Variants in NDUFS1 observed in about 807,000 individuals in gnomAD.
NDUFS1 encodes NADH:ubiquinone oxidoreductase core subunit S1.
In NDUFS1, 61 loss-of-function variants were observed where a neutral mutation model predicts 84.4. The observed-to-expected ratio is 0.72, with a 90% CI of 0.59 to 0.89. The LOEUF (loss-of-function observed/expected upper bound fraction) is 0.89. Ranked by LOEUF, NDUFS1 falls within the 40% of genes least tolerant of loss-of-function variation. The pLI is 0.00. For synonymous variants in NDUFS1, 275 were observed against 290.0 expected, an observed-to-expected ratio of 0.95 and a Z score of 0.53; for missense variants, 891 against 890.0, an observed-to-expected ratio of 1.00 and a Z score of -0.01.
chr2:206,141,548 AAAAT>A (rs1480213270), intron 12 of NDUFS1, among the ~76,000 whole-genome samples: 4 of 141,800 alleles, frequency 2.8e-5, no homozygotes, highest in African/African-American at 1.2e-4. Context: ...AAAAAAATAA[AAAAT>A]AAAAATAAAA....
In NDUFS1 at chr2:206,122,745, T is replaced by C. The variant is rs1056615544; in HGVS notation, c.*1440A>G. Reference sequence around the variant, plus strand: ...AATAAATTGTGAACATAGTTTTGTTTGTTTGTTTGAAACAAAGTCTTGCTC... The same window carrying C: ...AATAAATTGTGAACATAGTTTTGTTCGTTTGTTTGAAACAAAGTCTTGCTC... On this transcript the variant is annotated 3_prime_UTR_variant, in exon 19 of 19. Coordinates refer to ENST00000233190, the MANE Select transcript of NDUFS1 (RefSeq NM_005006.7). 6.6e-6 allele frequency: 1 copy of C among 152,124 alleles called. No individual in the cohort carries two copies. The highest frequency in any genetic ancestry group is 1.5e-5 in the Non-Finnish European group (1 of 68,030). 9.4% of individuals were successfully genotyped at this position (152,124 alleles called of 1,614,324 possible).
intron 13 of NDUFS1, among the ~76,000 whole-genome samples, chr2:206,134,592 AAAAG>A (rs1312684522): frequency 6.6e-6 from 1 of 152,154 alleles, no homozygotes; most frequent in Non-Finnish European, 1.5e-5. Flanking sequence ...AAACAAAAAA[AAAAG>A]ACAGAAAAGA....
intron 12 of NDUFS1, among the ~76,000 whole-genome samples, chr2:206,140,828 C>T (rs148703530): frequency 7.1e-4 from 108 of 151,744 alleles, no homozygotes; most frequent in South Asian, 1.5e-3. Flanking sequence ...AGGAAATCCA[C>T]GCTGAGAATT....
rs367723817 is a variant in NDUFS1 at position 206,140,943 on chromosome 2, T to TATATATATATATATATACACACACAC, written c.1262+997_1262+998insGTGTGTGTGTATATATATATATATAT. ...GTGTGTATATATATATATATATATA[T>TATATATATATATATATACACACACAC]ACACACACACTGAGAATCATAATAC... On this transcript the variant is annotated intron_variant, in intron 12 of 18. Coordinates refer to ENST00000233190, the MANE Select transcript of NDUFS1 (RefSeq NM_005006.7). Among the ~76,000 whole-genome samples, 198 of 136,078 alleles carry TATATATATATATATATACACACACAC rather than the reference T, an allele frequency of 1.5e-3. 1 individual carries two copies. Among genetic ancestry groups the TATATATATATATATATACACACACAC allele is most frequent in the Non-Finnish European group, 2.0e-3 (131 of 64,500 alleles). The allele number at this position is 136,078 out of a possible 152,430, so 89.3% of individuals were successfully genotyped here.
chr2:206,139,183 T>TTTA (rs1210792354), intron 12 of NDUFS1, among the ~76,000 whole-genome samples: 5 of 151,808 alleles, frequency 3.3e-5, no homozygotes, highest in East Asian at 1.9e-4. Context: ...AAGTTATTTA[T>TTTA]TTATTAATTT....
intron 13 of NDUFS1, among the ~76,000 whole-genome samples, chr2:206,137,590 A>G (rs78826721): frequency 0.095 from 13,822 of 144,950 alleles, 900 homozygotes; most frequent in Admixed American, 0.21. Flanking sequence ...GAAAGGGGGG[A>G]AAAAAAAGTC....
At chr2:206,152,777 T>G (rs1053952975) in intron 2 of NDUFS1, among the ~76,000 whole-genome samples, 4 of 149,852 alleles carry the variant, frequency 2.7e-5, no homozygotes, top group African/African-American at 9.9e-5. Flanking sequence ...CCATCTTGGC[T>G]CACTACAACC....
At chr2:206,149,311 C>T (rs554208450) in intron 4 of NDUFS1, among the ~76,000 whole-genome samples, 2 of 152,130 alleles carry the variant, frequency 1.3e-5, no homozygotes, top group African/African-American at 2.4e-5. Flanking sequence ...AATAAAACAT[C>T]CTGGTTTTTA....
At chr2:206,144,202 A>G in intron 9 of NDUFS1, 70 bp from the exon 10 acceptor site, 2 of 1,172,620 alleles carry the variant, frequency 1.7e-6, no homozygotes, top group Non-Finnish European at 2.6e-6. Context: ...AGTTAAATCA[A>G]CAAGAAATGT....
At chr2:206,151,807 C>T (rs578076600) in intron 3 of NDUFS1, among the ~76,000 whole-genome samples, 2 of 152,282 alleles carry the variant, frequency 1.3e-5, no homozygotes, top group South Asian at 4.1e-4. Flanking sequence ...AGGCCCACAA[C>T]AAATGGAGGT....
intron 13 of NDUFS1, among the ~76,000 whole-genome samples, chr2:206,134,103 G>A (rs1158083045): frequency 3.3e-5 from 5 of 152,194 alleles, no homozygotes; most frequent in Admixed American, 3.3e-4. Flanking sequence ...AAATTATGCT[G>A]ATATATTATA....
chr2:206,126,898 T>C, intron 16 of NDUFS1, 54 bp from the exon 17 acceptor site: 1 of 1,599,686 alleles, frequency 6.3e-7, no homozygotes, highest in Non-Finnish European at 8.6e-7. Flanking sequence ...CTTAAAAATA[T>C]CAAATAATAG....
rs760292289 is a variant in NDUFS1, at chr2:206,133,111, T to TA, written c.1393-7dup. ...TTTTTAGCTTCCTTTAGGACCTATT[T>TA]AAAAAAAAAAACAACTTTGATTTTA... On this transcript the variant is annotated splice_polypyrimidine_tract_variant and splice_region_variant and intron_variant, in intron 13 of 18. Coordinates refer to ENST00000233190, the MANE Select transcript of NDUFS1 (RefSeq NM_005006.7). 0.024 allele frequency: 27,213 copies of TA among 1,136,774 alleles called. No homozygotes were observed. The highest frequency in any genetic ancestry group is 0.026 in the Non-Finnish European group (21,568 of 834,926). The allele number at this position is 1,136,774 out of a possible 1,614,324, so 70.4% of individuals were successfully genotyped here.
rs138595908 is a variant in NDUFS1, at chr2:206,143,884, G to A, written c.987+134C>T. The A allele has an allele frequency of 2.9e-4, 215 of 744,224 alleles. No homozygotes were observed. In the East Asian group the frequency reaches 5.8e-3, roughly 20 times the overall value. 46.1% of individuals were successfully genotyped at this position (744,224 alleles called of 1,614,324 possible). A position where few individuals can be genotyped will look rare whatever the true frequency, so the allele number is the denominator to read the frequency against. ...TAGCATATGTCCTCAGTAGATGTCT[G>A]TAAAATGGAAGGAGATTAAATCATA... On this transcript the variant is annotated intron_variant, in intron 10 of 18. Transcript: ENST00000233190.
chr2:206,148,908 C>G, intron 5 of NDUFS1, 112 bp downstream of exon 5: 1 of 803,082 alleles, frequency 1.2e-6, no homozygotes, highest in South Asian at 1.4e-5. Flanking sequence ...CTGAGCACAC[C>G]AACTTCTTCC....
Position 206,144,887 on chromosome 2 carries a change from T to C in NDUFS1, c.872+5A>G, listed in dbSNP as rs370016240. 9.9e-6 allele frequency: 16 copies of C among 1,613,634 alleles called. No homozygotes were observed. Among genetic ancestry groups the C allele is most frequent in the African/African-American group, 1.3e-5 (1 of 74,918 alleles). On this transcript the variant is annotated splice_donor_5th_base_variant and intron_variant, in intron 9 of 18. Transcript: ENST00000233190. ...AAAAGTTAAGGAAAACAATATAGCA[T>C]ATACCTGGTTTTATCAGAGATCCAC...
At chr2:206,126,449 A>C (rs1181247618) in intron 18 of NDUFS1, 90 bp downstream of exon 18, 13 of 1,148,708 alleles carry the variant, frequency 1.1e-5, no homozygotes, top group African/African-American at 1.5e-5. Context: ...AAACACTATC[A>C]ATCACAAATT....
chr2:206,141,847 A>G, intron 12 of NDUFS1, 94 bp downstream of exon 12: 2 of 1,126,530 alleles, frequency 1.8e-6, no homozygotes, highest in South Asian at 1.4e-5. Context: ...GAGTCTCACT[A>G]CCACTAACAC....
At chr2:206,139,548 G>A (rs898189120) in intron 12 of NDUFS1, among the ~76,000 whole-genome samples, 3 of 151,602 alleles carry the variant, frequency 2.0e-5, no homozygotes, top group African/African-American at 7.3e-5. Flanking sequence ...TACATGACAG[G>A]GTCAATTATC....
Sources: gnomAD v4.1 joint callset for allele counts (sites outside exome capture counted in the v4.1 genomes callset) on GRCh38, gnomAD v4.1.1 for gene constraint, MANE v1.5 for transcripts, NCBI Gene and HGNC (gene_info 2026-07-23, HGNC 2026-07-21) for gene names.